The following MYO9A variants were observed in gnomAD, a reference collection of about 807,000 sequenced individuals.
MYO9A encodes unconventional myosin-IXa.
Under a neutral mutation model 293.3 loss-of-function variants are expected in MYO9A, and 103 were observed. The ratio of observed to expected loss-of-function variants is 0.35; its 90% CI spans 0.30 to 0.41. The LOEUF is 0.41. Ranked by LOEUF, MYO9A falls within the 10% of genes least tolerant of loss-of-function variation. MYO9A has a pLI of 1.00. For synonymous variants in MYO9A, 1,001 were observed against 1,035.7 expected, an observed-to-expected ratio of 0.97 and a Z score of 0.64; for missense variants, 2,685 against 3,033.0, an observed-to-expected ratio of 0.89 and a Z score of 2.69.
intron 13 of MYO9A, 88 bp downstream of exon 13, chr15:71,967,896 T>C: frequency 7.7e-7 from 1 of 1,302,418 alleles, no homozygotes; most frequent in Non-Finnish European, 1.0e-6. Context: ...ATCAAAAGCC[T>C]CCACAAACTA....
intron 34 of MYO9A, among the ~76,000 whole-genome samples, chr15:71,856,935 A>C (rs2055887978): frequency 6.6e-6 from 1 of 152,208 alleles, no homozygotes; most frequent in African/African-American, 2.4e-5. Flanking sequence ...GATTAAGTTG[A>C]ACATACACAG....
chr15:71,899,111 A>G, intron 24 of MYO9A, 79 bp from the exon 25 acceptor site: 2 of 1,308,776 alleles, frequency 1.5e-6, no homozygotes, highest in Non-Finnish European at 2.1e-6. Flanking sequence ...AGAATTTAAG[A>G]AAAAATGCAG....
rs577376023 is a variant in MYO9A at position 71,842,394 on chromosome 15, A to AAAATT, written c.6837+6446_6837+6450dup. On this transcript the variant is annotated intron_variant, in intron 39 of 41. Transcript: ENST00000356056. Reference sequence around the variant, plus strand: ...TCTGTCTCAATTAAAAAGCAAACAAAAAATTAACTCATTTAATCCTAAGTT... The same window carrying AAAATT: ...TCTGTCTCAATTAAAAAGCAAACAAAAAATTAAATTAACTCATTTAATCCTAAGTT... Among the ~76,000 whole-genome samples, 110 of 151,680 alleles carry AAAATT rather than the reference A, an allele frequency of 7.3e-4. 1 individual carries two copies. Among genetic ancestry groups the AAAATT allele is most frequent in the African/African-American group, 2.6e-3 (109 of 41,354 alleles).
chr15:71,974,632 A>G (rs977295665), intron 12 of MYO9A, among the ~76,000 whole-genome samples: 1 of 152,260 alleles, frequency 6.6e-6, no homozygotes, highest in African/African-American at 2.4e-5. Flanking sequence ...CTGTAACTAC[A>G]TTTTTAAACC....
At chr15:71,844,449 C>T (rs1011782576) in intron 39 of MYO9A, among the ~76,000 whole-genome samples, 1 of 152,204 alleles carries the variant, frequency 6.6e-6, no homozygotes, top group Non-Finnish European at 1.5e-5. Flanking sequence ...CAGTCCATTA[C>T]AGGCTTCTCA....
chr15:71,910,507 T>C (rs1210987178), intron 19 of MYO9A, among the ~76,000 whole-genome samples: 1 of 152,180 alleles, frequency 6.6e-6, no homozygotes, highest in Non-Finnish European at 1.5e-5. Flanking sequence ...CAGTTTATTA[T>C]GAAAAATTTT....
chr15:71,892,907 G>T, intron 26 of MYO9A: 2 of 1,082,702 alleles, frequency 1.8e-6, no homozygotes, highest in Non-Finnish European at 2.4e-6. Context: ...CTTTAGATTA[G>T]CAAAGACTAT....
chr15:71,922,876 T>C (rs2058191161), intron 18 of MYO9A, among the ~76,000 whole-genome samples: 1 of 152,204 alleles, frequency 6.6e-6, no homozygotes, highest in Non-Finnish European at 1.5e-5. Context: ...GCCTTTTTTT[T>C]CTTTCTCTTG....
At chr15:72,114,914 C>T (rs953740084) in intron 1 of MYO9A, among the ~76,000 whole-genome samples, 3 of 152,194 alleles carry the variant, frequency 2.0e-5, no homozygotes, top group African/African-American at 7.2e-5. Context: ...AAACCTCCTA[C>T]ATTTCTCTGC....
intron 1 of MYO9A, among the ~76,000 whole-genome samples, chr15:72,113,792 G>C (rs2080868199): frequency 6.6e-6 from 1 of 152,108 alleles, no homozygotes; most frequent in African/African-American, 2.4e-5. Context: ...TAAGTACACA[G>C]ACTTGTTAGC....
chr15:71,842,547 G>A (rs1055250907), intron 39 of MYO9A, among the ~76,000 whole-genome samples: 2 of 151,816 alleles, frequency 1.3e-5, no homozygotes, highest in African/African-American at 2.4e-5. Flanking sequence ...AGTCCATGCT[G>A]TGCTCTGCTG....
At chr15:71,836,533 A>G (rs2054948995) in intron 39 of MYO9A, among the ~76,000 whole-genome samples, 2 of 152,090 alleles carry the variant, frequency 1.3e-5, no homozygotes. Context: ...AAATACATGT[A>G]TGAGTCCATT....
At chr15:71,867,842 ACACACACG>A (rs1234069629) in intron 32 of MYO9A, among the ~76,000 whole-genome samples, 2 of 143,250 alleles carry the variant, frequency 1.4e-5, no homozygotes, top group East Asian at 2.1e-4. Context: ...ACACACACAC[ACACACACG>A]GTTATTCATT....
intron 1 of MYO9A, among the ~76,000 whole-genome samples, chr15:72,092,328 G>C (rs1025307472): frequency 1.3e-5 from 2 of 152,174 alleles, no homozygotes; most frequent in African/African-American, 4.8e-5. Context: ...CTTTGGCACT[G>C]AGCAGAAAAG....
chr15:71,843,397 C>G (rs1303277357), intron 39 of MYO9A, among the ~76,000 whole-genome samples: 1 of 152,132 alleles, frequency 6.6e-6, no homozygotes, highest in African/African-American at 2.4e-5. Context: ...CCATTGCACT[C>G]CAGCCCAGGC....
chr15:72,005,951 C>G (rs1461692199), intron 8 of MYO9A, among the ~76,000 whole-genome samples: 1 of 152,082 alleles, frequency 6.6e-6, no homozygotes, highest in African/African-American at 2.4e-5. Flanking sequence ...TCATAACTGT[C>G]AAAAACTGGA....
rs16956521 is a variant in MYO9A at position 72,050,842 on chromosome 15, A to G, written c.-71-4208T>C. Reference sequence around the variant, plus strand: ...TTGACAATGCTCCGGAGAAGTCACAAAATTCCACAGAGTTGGTAATCCAAA... The same window carrying G: ...TTGACAATGCTCCGGAGAAGTCACAGAATTCCACAGAGTTGGTAATCCAAA... On this transcript the variant is annotated intron_variant, in intron 1 of 41. Coordinates refer to ENST00000356056, the MANE Select transcript of MYO9A (RefSeq NM_006901.4). Among the ~76,000 whole-genome samples the G allele has an allele frequency of 1.1e-3, 170 of 152,240 alleles. 3 individuals carry two copies. The East Asian group carries it at 0.027, about 24-fold the overall frequency.
At chr15:71,948,873 T>C (rs1287600276) in intron 15 of MYO9A, among the ~76,000 whole-genome samples, 1 of 150,716 alleles carries the variant, frequency 6.6e-6, no homozygotes, top group African/African-American at 2.4e-5. Flanking sequence ...CTTCTGAAGA[T>C]TGTTAATTTT....
intron 1 of MYO9A, among the ~76,000 whole-genome samples, chr15:72,114,802 A>T (rs1435863386): frequency 6.6e-6 from 1 of 152,214 alleles, no homozygotes; most frequent in Non-Finnish European, 1.5e-5. Flanking sequence ...GGTTTTTAAA[A>T]TGTCTGAAAA....
Sources: allele counts gnomAD v4.1 joint callset (sites outside exome capture counted in the v4.1 genomes callset), GRCh38; gene constraint gnomAD v4.1.1; transcripts MANE v1.5; gene names NCBI Gene and HGNC (gene_info 2026-07-23, HGNC 2026-07-21).